Variants in GRM1 observed in about 807,000 individuals in gnomAD.
The protein encoded by GRM1 is metabotropic glutamate receptor 1.
GRM1 carries 33 observed loss-of-function variants against 90.9 expected under a neutral mutation model. That is an observed-to-expected ratio of 0.36 (90% CI 0.28 to 0.49). The LOEUF is 0.49. Ranked by LOEUF, GRM1 falls within the 20% of genes least tolerant of loss-of-function variation. The pLI, the probability that GRM1 is intolerant of heterozygous loss-of-function variation, is 0.99. For missense variants in GRM1, 1,190 were observed against 1,534.3 expected, an observed-to-expected ratio of 0.78 and a Z score of 3.75; for synonymous variants, 700 against 613.2, an observed-to-expected ratio of 1.14 and a Z score of -2.09.
At chr6:146,359,344 C>A (rs552524469) in intron 5 of GRM1, among the ~76,000 whole-genome samples, 13 of 152,294 alleles carry the variant, frequency 8.5e-5, no homozygotes, top group Non-Finnish European at 1.6e-4. Context: ...TATCTGTGGA[C>A]TGAAGTCATA....
Position 146,399,777 on chromosome 6 carries a change from C to G in GRM1, c.2660+78C>G. The G allele has an allele frequency of 1.1e-6, 1 of 940,386 alleles. No individual in the cohort carries two copies. The highest frequency in any genetic ancestry group is 2.6e-5 in the East Asian group (1 of 38,398). 58.3% of individuals were successfully genotyped at this position (940,386 alleles called of 1,614,324 possible). A position where few individuals can be genotyped will look rare whatever the true frequency, so the allele number is the denominator to read the frequency against. ...TCTCTCTCTCTCTCTCTCTCTCTTT[C>G]TCTGTCTCTCATATCTTCCTCTAGT... On this transcript the variant is annotated intron_variant, in intron 7 of 7. Coordinates refer to ENST00000282753, the MANE Select transcript of GRM1 (RefSeq NM_001278064.2). This position sits in a 1 kb window ranked among gnomAD's most constrained non-coding sequence, Gnocchi z 5.4.
At chr6:146,329,928 T>C (rs779526592) in intron 3 of GRM1, among the ~76,000 whole-genome samples, 63 of 152,228 alleles carry the variant, frequency 4.1e-4, no homozygotes, top group Non-Finnish European at 7.3e-4. Context: ...TCTGAATGTG[T>C]ATATCTTAAG....
chr6:146,187,282 A>G (rs1243204559), intron 2 of GRM1, among the ~76,000 whole-genome samples: 1 of 152,190 alleles, frequency 6.6e-6, no homozygotes, highest in African/African-American at 2.4e-5. Flanking sequence ...ACCATATAAT[A>G]TCTGCTAAAT....
At chr6:146,229,280 G>A (rs959202806) in intron 2 of GRM1, among the ~76,000 whole-genome samples, 9 of 151,178 alleles carry the variant, frequency 6.0e-5, no homozygotes, top group South Asian at 4.2e-4. Context: ...CAACATGCCC[G>A]GCCAAACTTG....
chr6:146,122,758 C>A (rs896796144), intron 1 of GRM1, among the ~76,000 whole-genome samples: 1 of 145,216 alleles, frequency 6.9e-6, no homozygotes, highest in African/African-American at 2.5e-5. Flanking sequence ...GGGTGTAATT[C>A]TTTTCAAATC....
intron 2 of GRM1, among the ~76,000 whole-genome samples, chr6:146,194,904 T>C (rs1779062161): frequency 6.6e-6 from 1 of 152,228 alleles, no homozygotes; most frequent in Non-Finnish European, 1.5e-5. Context: ...ACTCTGCCAC[T>C]TAACAACTTA....
chr6:146,066,776 G>C (rs908893836), intron 1 of GRM1, among the ~76,000 whole-genome samples: 16 of 152,200 alleles, frequency 1.1e-4, no homozygotes, highest in African/African-American at 3.4e-4. Flanking sequence ...CAGAGAGAGA[G>C]AGAGAGAGAG....
chr6:146,431,582 T>C (rs1778407870), intron 7 of GRM1, among the ~76,000 whole-genome samples: 1 of 141,940 alleles, frequency 7.0e-6, no homozygotes, highest in South Asian at 2.4e-4. Context: ...AGGGACCTGT[T>C]TGTTGTTGTT....
chr6:146,213,484 C>A (rs953898579), intron 2 of GRM1, among the ~76,000 whole-genome samples: 1 of 152,112 alleles, frequency 6.6e-6, no homozygotes, highest in African/African-American at 2.4e-5. Context: ...TCCTGTAAAT[C>A]AGAAGGTAAT....
At chr6:146,426,307 G>GACAC (rs111288696) in intron 7 of GRM1, among the ~76,000 whole-genome samples, 1 of 149,820 alleles carries the variant, frequency 6.7e-6, no homozygotes, top group African/African-American at 2.5e-5. Context: ...ACCTGGGGTA[G>GACAC]ACACACACAC....
intron 2 of GRM1, among the ~76,000 whole-genome samples, chr6:146,206,594 A>C (rs1232745902): frequency 6.7e-6 from 1 of 150,132 alleles, no homozygotes; most frequent in Non-Finnish European, 1.5e-5. Context: ...ACAGACTTGG[A>C]TGTTTGTTAG....
At chr6:146,288,538 T>C (rs1471472503) in intron 2 of GRM1, among the ~76,000 whole-genome samples, 1 of 152,184 alleles carries the variant, frequency 6.6e-6, no homozygotes, top group Non-Finnish European at 1.5e-5. Context: ...GAAGTTTTGC[T>C]CTTGTTGCCC....
chr6:146,105,426 A>C (rs1443503503), intron 1 of GRM1, among the ~76,000 whole-genome samples: 3 of 152,316 alleles, frequency 2.0e-5, no homozygotes, highest in Non-Finnish European at 4.4e-5. Flanking sequence ...CAAATGAAAC[A>C]TTAGTAGTAA....
At position 146,402,369 on chromosome 6, in the gene GRM1, A is replaced by G. The variant is rs563586737; in HGVS notation, c.2660+2670A>G. 1.3e-3 allele frequency among the ~76,000 whole-genome samples: 194 copies of G among 152,170 alleles called. 1 individual carries two copies. The highest frequency in any genetic ancestry group is 4.7e-4 in the Non-Finnish European group (32 of 67,978). ...GTTGCTCCTGTTGTAACTATGTGAGACTGTAATTTTAGTATATAAAAAAGA... is the reference window on the plus strand; with the variant it reads ...GTTGCTCCTGTTGTAACTATGTGAGGCTGTAATTTTAGTATATAAAAAAGA... On this transcript the variant is annotated intron_variant, in intron 7 of 7. Coordinates refer to ENST00000282753, the MANE Select transcript of GRM1 (RefSeq NM_001278064.2).
At chr6:146,346,232 C>A (rs944166964) in intron 3 of GRM1, among the ~76,000 whole-genome samples, 2 of 152,076 alleles carry the variant, frequency 1.3e-5, no homozygotes, top group Non-Finnish European at 2.9e-5. Flanking sequence ...GTGTCATGCA[C>A]ATGAGAAATT....
intron 7 of GRM1, among the ~76,000 whole-genome samples, chr6:146,400,352 G>A (rs1179629268): frequency 6.6e-6 from 1 of 152,000 alleles, no homozygotes; most frequent in African/African-American, 2.4e-5. Flanking sequence ...GGTCATCTCT[G>A]CTACTGCAAA....
intron 7 of GRM1, among the ~76,000 whole-genome samples, chr6:146,429,698 C>A (rs1231410221): frequency 6.6e-6 from 1 of 152,200 alleles, no homozygotes; most frequent in Non-Finnish European, 1.5e-5. Context: ...CAGAGCAGAA[C>A]TGTCCCGAAG....
chr6:146,183,457 T>G (rs1454957450), intron 2 of GRM1, among the ~76,000 whole-genome samples: 1 of 152,058 alleles, frequency 6.6e-6, no homozygotes, highest in Non-Finnish European at 1.5e-5. Context: ...AGGATTGTGG[T>G]GAGGGTCAAA....
At chr6:146,206,814 C>T (rs1011451146) in intron 2 of GRM1, among the ~76,000 whole-genome samples, 1 of 152,098 alleles carries the variant, frequency 6.6e-6, no homozygotes, top group Non-Finnish European at 1.5e-5. Flanking sequence ...ACCCTCTCCA[C>T]TAGAGTAGAC....
Sources: allele counts gnomAD v4.1 joint callset (sites outside exome capture counted in the v4.1 genomes callset), GRCh38; gene constraint gnomAD v4.1.1; non-coding constraint Gnocchi (gnomAD v3.1); transcripts MANE v1.5; gene names NCBI Gene and HGNC (gene_info 2026-07-23, HGNC 2026-07-21).